Variants in SLC9A9 observed in about 807,000 individuals in gnomAD.
SLC9A9 encodes the protein solute carrier family 9 member A9, also known as sodium/hydrogen exchanger 9.
In SLC9A9, 62 loss-of-function variants were observed where a neutral mutation model predicts 77.8. That is an observed-to-expected ratio of 0.80 (90% confidence interval 0.65 to 0.98). The LOEUF is 0.98. Among genes scored for constraint, SLC9A9 ranks in the 50% least tolerant of loss-of-function variants. SLC9A9 has a pLI of 0.00. For synonymous variants in SLC9A9, 320 were observed against 283.5 expected, an observed-to-expected ratio of 1.13 and a Z score of -1.29; for missense variants, 775 against 774.9, an observed-to-expected ratio of 1.00 and a Z score of 0.00.
chr3:143,349,740 A>G (rs1203501413), intron 14 of SLC9A9, among the ~76,000 whole-genome samples: 1 of 152,230 alleles, frequency 6.6e-6, no homozygotes. Flanking sequence ...TCAATGTTGT[A>G]TTCATAACAT....
intron 5 of SLC9A9, among the ~76,000 whole-genome samples, chr3:143,667,804 T>A (rs1412331161): frequency 6.6e-6 from 1 of 152,170 alleles, no homozygotes; most frequent in African/African-American, 2.4e-5. Context: ...TGCCAGTTAT[T>A]ATGGCGATCA....
intron 6 of SLC9A9, among the ~76,000 whole-genome samples, chr3:143,621,344 G>C (rs1434953034): frequency 6.6e-6 from 1 of 152,200 alleles, no homozygotes; most frequent in Non-Finnish European, 1.5e-5. Flanking sequence ...CCCCCGAATA[G>C]CCTAACTGGG....
At chr3:143,538,416 G>A (rs1463365136) in intron 9 of SLC9A9, among the ~76,000 whole-genome samples, 1 of 152,212 alleles carries the variant, frequency 6.6e-6, no homozygotes, top group African/African-American at 2.4e-5. Context: ...AGTTATGCCA[G>A]AAATGAATAC....
chr3:143,743,058 C>T (rs916264417), intron 4 of SLC9A9, among the ~76,000 whole-genome samples: 61 of 152,072 alleles, frequency 4.0e-4, no homozygotes, highest in Admixed American at 3.6e-3. Context: ...AGGAAAGTGA[C>T]GAGGTGCTGA....
intron 9 of SLC9A9, among the ~76,000 whole-genome samples, chr3:143,525,896 A>G (rs949456131): frequency 1.3e-5 from 2 of 152,244 alleles, no homozygotes; most frequent in Non-Finnish European, 2.9e-5. Context: ...AGTGCAGGAT[A>G]CAAAATTGTA....
chr3:143,718,722 C>T (rs1020173449), intron 4 of SLC9A9, among the ~76,000 whole-genome samples: 3 of 152,216 alleles, frequency 2.0e-5, no homozygotes, highest in Non-Finnish European at 4.4e-5. Flanking sequence ...TCAGCCCACG[C>T]AGGCAGTATC....
chr3:143,333,293 C>T (rs2031830296), intron 14 of SLC9A9, among the ~76,000 whole-genome samples: 1 of 141,052 alleles, frequency 7.1e-6, no homozygotes. Flanking sequence ...CTTTTAAAAA[C>T]ATCCATACAA....
intron 1 of SLC9A9, among the ~76,000 whole-genome samples, chr3:143,838,155 C>T (rs948318145): frequency 4.6e-5 from 7 of 152,090 alleles, no homozygotes; most frequent in Non-Finnish European, 1.0e-4. Context: ...AAGCAATGTA[C>T]AAAGTTTTAA....
chr3:143,436,345 T>C (rs2034622763), intron 12 of SLC9A9, among the ~76,000 whole-genome samples: 1 of 152,232 alleles, frequency 6.6e-6, no homozygotes, highest in Admixed American at 6.5e-5. Flanking sequence ...TGAAAATTTA[T>C]TATGAGAGCA....
chr3:143,363,094 C>G (rs950659684), intron 14 of SLC9A9, among the ~76,000 whole-genome samples: 20 of 152,140 alleles, frequency 1.3e-4, no homozygotes, highest in African/African-American at 4.8e-4. Context: ...GGAGCTTTGG[C>G]TGGGTTACCC....
intron 6 of SLC9A9, among the ~76,000 whole-genome samples, chr3:143,603,181 A>G (rs2037870233): frequency 6.6e-6 from 1 of 152,194 alleles, no homozygotes; most frequent in Non-Finnish European, 1.5e-5. Flanking sequence ...ACTTTCACCC[A>G]TAGAAGTCAT....
At chr3:143,640,603 G>A (rs2038605081) in intron 6 of SLC9A9, among the ~76,000 whole-genome samples, 1 of 151,330 alleles carries the variant, frequency 6.6e-6, no homozygotes, top group African/African-American at 2.4e-5. Context: ...GCTCACAACT[G>A]TAATCCCAGC....
intron 2 of SLC9A9, among the ~76,000 whole-genome samples, chr3:143,814,688 G>A (rs937144538): frequency 5.3e-5 from 8 of 152,168 alleles, no homozygotes; most frequent in Non-Finnish European, 1.2e-4. Context: ...TCAATAAACA[G>A]AAAGAGATGT....
At chr3:143,472,277 G>A (rs7627808) in intron 11 of SLC9A9, among the ~76,000 whole-genome samples, 75 of 152,248 alleles carry the variant, frequency 4.9e-4, no homozygotes, top group Middle Eastern at 3.4e-3. Flanking sequence ...TGCAAAAGAG[G>A]ATACTTTGAA....
At chr3:143,806,620 C>G (rs1334571439) in intron 2 of SLC9A9, among the ~76,000 whole-genome samples, 1 of 151,608 alleles carries the variant, frequency 6.6e-6, no homozygotes, top group Non-Finnish European at 1.5e-5. Flanking sequence ...AGCCAAAAGA[C>G]AAATTTTGCA....
chr3:143,373,090 C>T (rs1342815197), intron 13 of SLC9A9, among the ~76,000 whole-genome samples: 1 of 110,086 alleles, frequency 9.1e-6, no homozygotes, highest in African/African-American at 3.5e-5. Flanking sequence ...TTAGTAAATT[C>T]CACTACTGGG....
At chr3:143,279,902 C>T (rs1938165057) in intron 14 of SLC9A9, among the ~76,000 whole-genome samples, 1 of 152,220 alleles carries the variant, frequency 6.6e-6, no homozygotes, top group Non-Finnish European at 1.5e-5. Flanking sequence ...TCACTGCAGC[C>T]TCGACCTCCT....
intron 4 of SLC9A9, among the ~76,000 whole-genome samples, chr3:143,714,901 G>A (rs760974796): frequency 6.6e-6 from 1 of 152,186 alleles, no homozygotes; most frequent in Non-Finnish European, 1.5e-5. Flanking sequence ...GGGACCCGGT[G>A]GGAGGTAATT....
intron 6 of SLC9A9, among the ~76,000 whole-genome samples, chr3:143,585,995 T>C (rs1448962762): frequency 6.6e-6 from 1 of 152,212 alleles, no homozygotes. Context: ...TCCAGGTGAT[T>C]CCAGTAGACT....
Sources: allele counts gnomAD v4.1 joint callset (sites outside exome capture counted in the v4.1 genomes callset), GRCh38; gene constraint gnomAD v4.1.1; transcripts MANE v1.5; gene names NCBI Gene and HGNC (gene_info 2026-07-23, HGNC 2026-07-21).